The following CCR6 variants were observed in gnomAD, a reference collection of about 807,000 sequenced individuals.
CCR6 encodes C-C motif chemokine receptor 6.
In CCR6, 2 loss-of-function variants were observed where a neutral mutation model predicts 3.0. The ratio of observed to expected loss-of-function variants is 0.66; its 90% CI spans 0.27 to 2.07. CCR6 has a LOEUF of 2.07. CCR6 is among the 30% of genes most tolerant of loss of function. The pLI, the probability that CCR6 is intolerant of heterozygous loss-of-function variation, is 0.14. For synonymous variants in CCR6, 193 were observed against 184.3 expected, an observed-to-expected ratio of 1.05 and a Z score of -0.38; for missense variants, 322 against 462.8, an observed-to-expected ratio of 0.70 and a Z score of 2.79.
chr6:167,133,231 G>A (rs1246473222), intron 1 of CCR6, among the ~76,000 whole-genome samples: 2 of 152,028 alleles, frequency 1.3e-5, no homozygotes, highest in African/African-American at 2.4e-5. Flanking sequence ...TTTCCTTCTA[G>A]ATGTTTTATG....
chr6:167,120,109 A>G (rs78771775), upstream of CCR6, among the ~76,000 whole-genome samples: 5,630 of 152,220 alleles, frequency 0.037, 287 homozygotes, highest in African/African-American at 0.11. Context: ...ACAGTGATTT[A>G]TTTACAATCT....
At chr6:167,120,277 G>A (rs1781566758), upstream of CCR6, among the ~76,000 whole-genome samples, 1 of 152,160 alleles carries the variant, frequency 6.6e-6, no homozygotes, top group African/African-American at 2.4e-5. Flanking sequence ...CACTGCTGCT[G>A]CCTGGTATCT....
chr6:167,127,368 C>T (rs1781684339), intron 1 of CCR6: 1 of 152,166 alleles, frequency 6.6e-6, no homozygotes, highest in South Asian at 2.1e-4. Flanking sequence ...TAAACAAGCT[C>T]TAATAGGAAT....
intron 1 of CCR6, among the ~76,000 whole-genome samples, chr6:167,128,968 G>C (rs1279339532): frequency 6.6e-6 from 1 of 152,190 alleles, no homozygotes. Flanking sequence ...CAGAATATTT[G>C]TACATTGATT....
chr6:167,122,021 A>G (rs1315173430), upstream of CCR6, among the ~76,000 whole-genome samples: 1 of 152,128 alleles, frequency 6.6e-6, no homozygotes, highest in Non-Finnish European at 1.5e-5. This position sits in a 1 kb window ranked among gnomAD's most constrained non-coding sequence, Gnocchi z 4.2. Context: ...CAGAGAGATG[A>G]TAAGGGGTGC....
At chr6:167,125,066 CTGCACACA>C (rs1781650322) in intron 1 of CCR6, among the ~76,000 whole-genome samples, 1 of 151,796 alleles carries the variant, frequency 6.6e-6, no homozygotes, top group South Asian at 2.1e-4. Flanking sequence ...CATATGCACA[CTGCACACA>C]TGCACACATG....
chr6:167,115,743 C>T (rs1222022337), intron 1 of CCR6: 2 of 152,202 alleles, frequency 1.3e-5, no homozygotes, highest in African/African-American at 4.8e-5. Flanking sequence ...TTTCATTATG[C>T]AACCAACTTA....
In CCR6 at chr6:167,137,010, G is replaced by T; in HGVS notation, c.780G>T (p.Val260=). Residue 260 remains valine (V), a synonymous_variant, in exon 3 of 3, where the codon GTG becomes GTT. Transcript: ENST00000341935. The surrounding 1 kb of genome is among the most constrained non-coding windows in gnomAD (Gnocchi z 4.6). Reference sequence around the variant, plus strand: ...CCATCCGTGTAATCATAGCTGTGGTGCTTGTGTTTCTGGCTTGTCAGATTC... The same window carrying T: ...CCATCCGTGTAATCATAGCTGTGGTTCTTGTGTTTCTGGCTTGTCAGATTC... ...HKAIRVIIAV[V]LVFLACQIPH... is the part of the protein sequence containing the mutation. 6.2e-7 allele frequency: 1 copy of T among 1,614,198 alleles called. No homozygotes were observed. Among genetic ancestry groups the T allele is most frequent in the Non-Finnish European group, 8.5e-7 (1 of 1,180,040 alleles).
intron 1 of CCR6, among the ~76,000 whole-genome samples, chr6:167,132,581 C>T (rs770447437): frequency 5.3e-5 from 8 of 152,116 alleles, no homozygotes; most frequent in Admixed American, 1.3e-4. Flanking sequence ...CTCTCTGTCA[C>T]CCAGGCTGGA....
chr6:167,136,009 T>C lies in CCR6; in HGVS notation c.-97-29T>C. On this transcript the variant is annotated intron_variant, in intron 1 of 2. Transcript: ENST00000341935. The surrounding 1 kb of genome is among the most constrained non-coding windows in gnomAD (Gnocchi z 4.6). ...TCTCCAGGAATACCTGTGTTAACTG[T>C]AGTGCATTTTGCCTTCTTTCCTTCT... The C allele has an allele frequency of 1.0e-6, 1 of 961,150 alleles. No homozygotes were observed. Among genetic ancestry groups the C allele is most frequent in the Non-Finnish European group, 1.6e-6 (1 of 622,818 alleles). 59.5% of individuals were successfully genotyped at this position (961,150 alleles called of 1,614,324 possible).
intron 1 of CCR6, among the ~76,000 whole-genome samples, chr6:167,126,030 C>T (rs1356162990): frequency 1.3e-5 from 2 of 152,120 alleles, no homozygotes; most frequent in Non-Finnish European, 2.9e-5. Flanking sequence ...GATCCTAGTA[C>T]ATTTGCATTT....
chr6:167,132,718 T>A (rs1480192290), intron 1 of CCR6, among the ~76,000 whole-genome samples: 1 of 152,186 alleles, frequency 6.6e-6, no homozygotes, highest in African/African-American at 2.4e-5. Flanking sequence ...TTTTTGTATT[T>A]TTAGTAAAGA....
At chr6:167,116,250 C>A (rs143346084) in intron 1 of CCR6, 1 of 152,372 alleles carries the variant, frequency 6.6e-6, no homozygotes, top group African/African-American at 2.4e-5. Flanking sequence ...CCAGAAGGAG[C>A]GCTTTCTTAT....
intron 1 of CCR6, among the ~76,000 whole-genome samples, chr6:167,130,376 C>A (rs920540086): frequency 6.6e-6 from 1 of 151,846 alleles, no homozygotes; most frequent in African/African-American, 2.4e-5. Flanking sequence ...TAAAAAACTT[C>A]TTAGTGTCTT....
intron 1 of CCR6, among the ~76,000 whole-genome samples, chr6:167,129,830 A>G (rs1056964025): frequency 1.3e-5 from 2 of 151,812 alleles, no homozygotes; most frequent in Admixed American, 6.5e-5. Context: ...GTGGGGGGTG[A>G]CAATGAGTTA....
At chr6:167,120,270 T>A (rs569889257), upstream of CCR6, among the ~76,000 whole-genome samples, 1 of 152,326 alleles carries the variant, frequency 6.6e-6, no homozygotes, top group African/African-American at 2.4e-5. Flanking sequence ...GGTGGTGCAC[T>A]GCTGCTGCCT....
intron 1 of CCR6, among the ~76,000 whole-genome samples, chr6:167,123,447 G>A (rs968846898): frequency 2.6e-5 from 4 of 152,136 alleles, no homozygotes; most frequent in African/African-American, 7.2e-5. Flanking sequence ...TTTCATACTC[G>A]CTCCCTGCAC....
intron 1 of CCR6, among the ~76,000 whole-genome samples, chr6:167,130,631 C>A (rs1190186750): frequency 1.3e-5 from 2 of 151,754 alleles, no homozygotes; most frequent in South Asian, 2.1e-4. Context: ...TACAGGTGAA[C>A]CTGACAACCA....
At chr6:167,120,544 C>G (rs1781570232), upstream of CCR6, among the ~76,000 whole-genome samples, 1 of 152,154 alleles carries the variant, frequency 6.6e-6, no homozygotes, top group South Asian at 2.1e-4. Flanking sequence ...GTGACCCATT[C>G]TGAGCTGTAC....
Sources: gnomAD v4.1 joint callset for allele counts (sites outside exome capture counted in the v4.1 genomes callset) on GRCh38, gnomAD v4.1.1 for gene constraint, Gnocchi (gnomAD v3.1) non-coding constraint, MANE v1.5 for transcripts, NCBI Gene and HGNC (gene_info 2026-07-23, HGNC 2026-07-21) for gene names.